Variants in HACE1 observed in about 807,000 individuals in gnomAD.
HACE1 encodes HECT domain and ankyrin repeat containing E3 ubiquitin protein ligase 1, also known as E3 ubiquitin-protein ligase HACE1.
Under a neutral mutation model 118.4 loss-of-function variants are expected in HACE1, and 73 were observed. The ratio of observed to expected loss-of-function variants is 0.62; its 90% CI spans 0.51 to 0.75. The LOEUF is 0.75. Among genes scored for constraint, HACE1 ranks in the 30% least tolerant of loss-of-function variants. The pLI is 0.00. For missense variants in HACE1, 749 were observed against 1,102.2 expected (o/e 0.68, Z 4.54); for synonymous variants, 368 against 374.8 (o/e 0.98, Z 0.21).
intron 4 of HACE1, among the ~76,000 whole-genome samples, chr6:104,844,985 T>C (rs1278181231): frequency 6.6e-6 from 1 of 152,106 alleles, no homozygotes; most frequent in Non-Finnish European, 1.5e-5. Context: ...CATTTTTAAG[T>C]GTATAGTTCA....
intron 6 of HACE1, among the ~76,000 whole-genome samples, chr6:104,814,253 A>C (rs1185898359): frequency 7.2e-6 from 1 of 137,946 alleles, no homozygotes; most frequent in Non-Finnish European, 1.6e-5. Context: ...TTAAATCAAA[A>C]GACCTTCAAC....
chr6:104,824,630 C>A (rs1212004498), intron 6 of HACE1, among the ~76,000 whole-genome samples: 1 of 152,108 alleles, frequency 6.6e-6, no homozygotes, highest in African/African-American at 2.4e-5. Flanking sequence ...AGAATAAATT[C>A]TGGATTAAAC....
At chr6:104,777,347 T>TAGC (rs1562347210) in intron 14 of HACE1, 30 bp from the exon 15 acceptor site, 2 of 1,297,900 alleles carry the variant, frequency 1.5e-6, no homozygotes, top group Non-Finnish European at 2.2e-6. Flanking sequence ...TAAAATATGT[T>TAGC]AGCAGTGTAT....
chr6:104,781,587 G>T (rs926940173), intron 14 of HACE1, among the ~76,000 whole-genome samples: 4 of 151,956 alleles, frequency 2.6e-5, no homozygotes, highest in Admixed American at 6.6e-5. Flanking sequence ...CTCCAACAAC[G>T]AGAAGTTAGA....
At chr6:104,787,345 A>G (rs764906408) in intron 11 of HACE1, 2 of 152,214 alleles carry the variant, frequency 1.3e-5, no homozygotes, top group African/African-American at 2.4e-5. Flanking sequence ...GAGTCCCTGA[A>G]CTGCTTAAAG....
At position 104,771,181 on chromosome 6, in the gene HACE1, T is replaced by C; in HGVS notation, c.2211+12A>G. The C allele has an allele frequency of 1.3e-6, 2 of 1,589,540 alleles. No individual in the cohort carries two copies. Among genetic ancestry groups the C allele is most frequent in the African/African-American group, 1.3e-5 (1 of 74,564 alleles). The stretch of plus-strand genomic sequence containing the variant: ...TACAAACAATGGTTAAGGTAAAAAC[T>C]GAAATACTCACTTTATTATTTTGTG... On this transcript the variant is annotated intron_variant, in intron 19 of 23. Coordinates refer to ENST00000262903, the MANE Select transcript of HACE1 (RefSeq NM_020771.4).
chr6:104,851,705 A>T (rs1159665384), intron 2 of HACE1, among the ~76,000 whole-genome samples: 1 of 150,138 alleles, frequency 6.7e-6, no homozygotes, highest in Non-Finnish European at 1.5e-5. Flanking sequence ...ACATTTTTTA[A>T]TTATACCAGG....
intron 2 of HACE1, 87 bp downstream of exon 2, chr6:104,852,208 TGTGTGTGTGTGTGTGTGTGTGC>T (rs1776285719): frequency 1.0e-5 from 7 of 682,968 alleles, no homozygotes; most frequent in Admixed American, 6.3e-5. Context: ...TCTGTGTGTG[TGTGTGTGTGTGTGTGTGTGTGC>T]GCGCGTGCGC....
At chr6:104,849,373 G>A in intron 3 of HACE1, 127 bp from the exon 4 acceptor site, 1 of 715,972 alleles carries the variant, frequency 1.4e-6, no homozygotes, top group South Asian at 1.5e-5. Context: ...GTCTTGCTCT[G>A]TCGCCCATGC....
chr6:104,832,367 C>T (rs929700421), intron 6 of HACE1, among the ~76,000 whole-genome samples: 1 of 145,544 alleles, frequency 6.9e-6, no homozygotes, highest in South Asian at 2.3e-4. Flanking sequence ...TATAAAAGCA[C>T]TATTTTCCTG....
In HACE1 at chr6:104,795,682, G is replaced by A. The variant is rs186515097; in HGVS notation, c.820C>T (p.Arg274Trp). 7 of 1,595,724 alleles carry A rather than the reference G, an allele frequency of 4.4e-6. No individual in the cohort carries two copies. The highest frequency in any genetic ancestry group is 1.3e-5 in the African/African-American group (1 of 74,622). Residue 274 changes from arginine to tryptophan, a missense_variant, in exon 10 of 24, where the codon CGG (arginine) becomes TGG (tryptophan). Transcript: ENST00000262903. ...QNEDLRENML[R>W]QVLEHLSQQS... ...TGAGACAAATGCTCCAGAACTTGCCGTAACTAAATTTTTTACAAATAAAAA... is the reference window on the plus strand; with the variant it reads ...TGAGACAAATGCTCCAGAACTTGCCATAACTAAATTTTTTACAAATAAAAA...
At chr6:104,791,700 ATAT>A (rs1276940437) in intron 10 of HACE1, 46 bp from the exon 11 acceptor site, 1 of 1,227,090 alleles carries the variant, frequency 8.1e-7, no homozygotes, top group South Asian at 1.2e-5. Context: ...AACAAATTAC[ATAT>A]TAAAATACTT....
intron 5 of HACE1, 97 bp from the exon 6 acceptor site, chr6:104,833,270 C>T: frequency 3.7e-6 from 4 of 1,070,302 alleles, no homozygotes; most frequent in South Asian, 1.3e-5. Context: ...GTGATTTGCA[C>T]ATGCAAATCT....
At position 104,814,290 on chromosome 6, in the gene HACE1, A is replaced by G. The variant is rs562579673; in HGVS notation, c.535-2897T>C. On this transcript the variant is annotated intron_variant, in intron 6 of 23. Coordinates refer to ENST00000262903, the MANE Select transcript of HACE1 (RefSeq NM_020771.4). ...AGGCATGTCAAAGTGAAATTTCATGATAACATCAGGGATAAGAGATTCCAG... is the reference window on the plus strand; with the variant it reads ...AGGCATGTCAAAGTGAAATTTCATGGTAACATCAGGGATAAGAGATTCCAG... Among the ~76,000 whole-genome samples, 18 of 137,736 alleles carry G rather than the reference A, an allele frequency of 1.3e-4. 3 individuals are homozygous for G. The highest frequency in any genetic ancestry group is 2.5e-4 in the Non-Finnish European group (16 of 64,210). The allele number at this position is 137,736 out of a possible 152,430, so 90.4% of individuals were successfully genotyped here.
At chr6:104,806,264 C>A (rs1459211094) in intron 7 of HACE1, among the ~76,000 whole-genome samples, 4 of 152,064 alleles carry the variant, frequency 2.6e-5, no homozygotes, top group African/African-American at 4.8e-5. Context: ...GCGTTGAAGA[C>A]CCGCTTGGAT....
chr6:104,844,416 T>C (rs1775438742), intron 4 of HACE1, among the ~76,000 whole-genome samples: 1 of 150,696 alleles, frequency 6.6e-6, no homozygotes, highest in Non-Finnish European at 1.5e-5. Context: ...CGATCTCGGC[T>C]CACTGCAACC....
chr6:104,821,804 C>A (rs550079085), intron 6 of HACE1, among the ~76,000 whole-genome samples: 6 of 152,270 alleles, frequency 3.9e-5, no homozygotes, highest in African/African-American at 1.4e-4. Flanking sequence ...TTATTTAGTA[C>A]TAACGGCTAA....
chr6:104,845,540 C>G (rs984768477), intron 4 of HACE1, among the ~76,000 whole-genome samples: 2 of 146,474 alleles, frequency 1.4e-5, no homozygotes, highest in African/African-American at 5.0e-5. Context: ...TACAGTGGCA[C>G]GATCTCGGCT....
intron 14 of HACE1, 139 bp downstream of exon 14, chr6:104,783,947 C>A: frequency 1.5e-6 from 1 of 655,840 alleles, no homozygotes. Flanking sequence ...AGAAAACTTA[C>A]TCCTCATATT....
Sources: gnomAD v4.1 joint callset for allele counts (sites outside exome capture counted in the v4.1 genomes callset) on GRCh38, gnomAD v4.1.1 for gene constraint, MANE v1.5 for transcripts, NCBI Gene and HGNC (gene_info 2026-07-23, HGNC 2026-07-21) for gene names.